The following SP140L variants were observed in gnomAD, a reference collection of about 807,000 sequenced individuals.
The protein encoded by SP140L is SP140 like nuclear body protein, also known as nuclear body protein SP140-like protein.
In SP140L, 64 loss-of-function variants were observed where a neutral mutation model predicts 84.3. The ratio of observed to expected loss-of-function variants is 0.76; its 90% CI spans 0.62 to 0.94. The LOEUF is 0.94. Ranked by LOEUF, SP140L falls within the 40% of genes least tolerant of loss-of-function variation. SP140L has a pLI of 0.00. For synonymous variants in SP140L, 242 were observed against 236.9 expected, an observed-to-expected ratio of 1.02 and a Z score of -0.20; for missense variants, 628 against 692.5, an observed-to-expected ratio of 0.91 and a Z score of 1.05.
At chr2:230,399,059 A>C (rs942446747) in intron 14 of SP140L, among the ~76,000 whole-genome samples, 1 of 152,228 alleles carries the variant, frequency 6.6e-6, no homozygotes, top group Non-Finnish European at 1.5e-5. Flanking sequence ...GGCTGCACGT[A>C]ATATTGAACT....
At chr2:230,388,285 G>A (rs112656508) in intron 9 of SP140L, among the ~76,000 whole-genome samples, 1,964 of 152,080 alleles carry the variant, frequency 0.013, 50 homozygotes, top group African/African-American at 0.045. Flanking sequence ...TTCAAAATAT[G>A]GAATGAAGTA....
rs563896263 is a variant in SP140L, at chr2:230,357,228, G to A, written c.108-577G>A. Among the ~76,000 whole-genome samples, 18 of 152,186 alleles carry A rather than the reference G, an allele frequency of 1.2e-4. No homozygotes were observed. The South Asian group carries it at 3.5e-3, about 30-fold the overall frequency. ...CAAAGCAGAACCAGATGTTCCAGGA[G>A]ATATCACTGATATTCTCATGAAATT... On this transcript the variant is annotated intron_variant, in intron 2 of 18. Coordinates refer to ENST00000415673, the MANE Select transcript of SP140L (RefSeq NM_138402.6).
chr2:230,393,535 A>C lies in SP140L; in HGVS notation c.1155+74A>C, dbSNP rs1214141905. The C allele has an allele frequency of 4.8e-6, 7 of 1,450,628 alleles. No homozygotes were observed. In the East Asian group the frequency reaches 1.1e-4, roughly 22 times the overall value. The allele number at this position is 1,450,628 out of a possible 1,614,324, so 89.9% of individuals were successfully genotyped here. ...ACATGTACAACATCTTATTTTATGG[A>C]GTCTCCAATTGGGTAACTATAATTA... On this transcript the variant is annotated intron_variant, in intron 13 of 18. Transcript: ENST00000415673.
intron 2 of SP140L, among the ~76,000 whole-genome samples, chr2:230,339,815 A>T (rs1171335215): frequency 7.1e-6 from 1 of 141,564 alleles, no homozygotes; most frequent in South Asian, 2.3e-4. Context: ...TTTGAGTGAG[A>T]TTCTTAATCC....
chr2:230,390,462 G>C (rs995224306), intron 11 of SP140L, among the ~76,000 whole-genome samples: 1 of 152,138 alleles, frequency 6.6e-6, no homozygotes, highest in Non-Finnish European at 1.5e-5. Context: ...AGGAATGACT[G>C]TTCCATTCTG....
At chr2:230,335,300 C>T (rs1315866978) in intron 2 of SP140L, among the ~76,000 whole-genome samples, 3 of 152,124 alleles carry the variant, frequency 2.0e-5, no homozygotes, top group Non-Finnish European at 4.4e-5. Flanking sequence ...ATCTACTTGT[C>T]AGTGTTTCTT....
rs2059713782 is a variant in SP140L, at chr2:230,331,108, CCTTT to C, written c.107+2278_107+2281del. ...GCCAAAGAGAAGCCGTCAAGTGCTT[CCTTT>C]AAGTGAAAATGTGAAATTTCCTGAA... is the stretch of plus-strand genomic sequence containing the variant. On this transcript the variant is annotated intron_variant, in intron 2 of 18. Coordinates refer to ENST00000415673, the MANE Select transcript of SP140L (RefSeq NM_138402.6). 5.3e-5 allele frequency among the ~76,000 whole-genome samples: 8 copies of C among 152,038 alleles called. No individual in the cohort carries two copies. The South Asian group carries it at 1.7e-3, about 32-fold the overall frequency.
Position 230,378,197 on chromosome 2 carries a change from A to G in SP140L, c.638-5313A>G, listed in dbSNP as rs185678492. The stretch of plus-strand genomic sequence containing the variant: ...TGTATGTCTATTCTTATGCCAATAC[A>G]CCATCTTGATTACTACAGTTTTACA... On this transcript the variant is annotated intron_variant, in intron 7 of 18. Coordinates refer to ENST00000415673, the MANE Select transcript of SP140L (RefSeq NM_138402.6). 1.8e-4 allele frequency among the ~76,000 whole-genome samples: 27 copies of G among 152,186 alleles called. No homozygotes were observed. The East Asian group carries it at 4.4e-3, about 25-fold the overall frequency.
At chr2:230,402,406 A>T (rs1339836332) in intron 18 of SP140L, among the ~76,000 whole-genome samples, 1 of 152,266 alleles carries the variant, frequency 6.6e-6, no homozygotes, top group African/African-American at 2.4e-5. Context: ...AGAAAGGATC[A>T]TGCTGGTGAG....
intron 2 of SP140L, among the ~76,000 whole-genome samples, chr2:230,331,058 G>A (rs1003424420): frequency 2.0e-5 from 3 of 152,042 alleles, no homozygotes; most frequent in South Asian, 2.1e-4. Flanking sequence ...AAGCACATGA[G>A]GATTGATGCT....
At chr2:230,347,435 A>G (rs1022338023) in intron 2 of SP140L, among the ~76,000 whole-genome samples, 2 of 152,076 alleles carry the variant, frequency 1.3e-5, no homozygotes, top group Non-Finnish European at 2.9e-5. Context: ...GCCACAGGCT[A>G]TGCCCCAGCT....
chr2:230,388,555 T>C lies in SP140L; in HGVS notation c.785-4T>C, dbSNP rs374466639. 8.1e-6 allele frequency: 13 copies of C among 1,604,184 alleles called. No homozygotes were observed. Among genetic ancestry groups the C allele is most frequent in the Non-Finnish European group, 1.1e-5 (13 of 1,176,806 alleles). On this transcript the variant is annotated splice_polypyrimidine_tract_variant and splice_region_variant and intron_variant, in intron 9 of 18. Transcript: ENST00000415673. Reference sequence around the variant, plus strand: ...ACTGTGATTTTATTATTCTACTTTCTCAGGGAGAAAGAGAGGCAAACCTGG... The same window carrying C: ...ACTGTGATTTTATTATTCTACTTTCCCAGGGAGAAAGAGAGGCAAACCTGG...
Position 230,349,664 on chromosome 2 carries a change from TG to T in SP140L, c.108-8139del, listed in dbSNP as rs147054146. ...TTTTTACATTTCTAAGTTTACTAGT[TG>T]GTTGTTTTATAGAAACAATATCATT... On this transcript the variant is annotated intron_variant, in intron 2 of 18. Transcript: ENST00000415673. Among the ~76,000 whole-genome samples, 1,206 of 152,330 alleles carry T rather than the reference TG, an allele frequency of 7.9e-3. 16 individuals carry two copies. Among genetic ancestry groups the T allele is most frequent in the African/African-American group, 0.027 (1,134 of 41,560 alleles).
At chr2:230,402,258 C>A (rs2062378668) in intron 18 of SP140L, among the ~76,000 whole-genome samples, 1 of 152,208 alleles carries the variant, frequency 6.6e-6, no homozygotes, top group South Asian at 2.1e-4. Flanking sequence ...GATCAGTGAT[C>A]TTACCTTATA....
At chr2:230,362,619 T>C (rs2060752637) in intron 5 of SP140L, among the ~76,000 whole-genome samples, 1 of 152,142 alleles carries the variant, frequency 6.6e-6, no homozygotes, top group Non-Finnish European at 1.5e-5. Context: ...CTCACTTTGA[T>C]TAAACGTCTA....
chr2:230,333,033 G>GA (rs200283434), intron 2 of SP140L, among the ~76,000 whole-genome samples: 4 of 152,070 alleles, frequency 2.6e-5, no homozygotes, highest in African/African-American at 7.2e-5. Flanking sequence ...TTCATATCTG[G>GA]AAAAAAAATT....
intron 5 of SP140L, among the ~76,000 whole-genome samples, chr2:230,368,064 C>T (rs1036635755): frequency 9.9e-5 from 15 of 152,080 alleles, no homozygotes; most frequent in African/African-American, 1.7e-4. Context: ...TTATTTTAAC[C>T]GTGAATTTTG....
In SP140L at chr2:230,357,945, T is replaced by G. The variant is rs1355236670; in HGVS notation, c.248T>G (p.Leu83Arg). ...CTTGAGGGCCTCCGCGATCGGGAAC[T>G]CATCACAAATAAAATGTTTGAAGTA... ...PFLEGLRDRE[L>R]ITNKMFEDSE... The change falls in exon 3 of 19, where the codon CTC becomes CGC. Residue 83 changes from leucine (L) to arginine (R), a missense_variant. Leu to Arg is a moderately radical substitution (Grantham distance 102). Coordinates refer to ENST00000415673, the MANE Select transcript of SP140L (RefSeq NM_138402.6). The G allele has an allele frequency of 2.5e-6, 4 of 1,613,150 alleles. No homozygotes were observed. Among genetic ancestry groups the G allele is most frequent in the African/African-American group, 1.3e-5 (1 of 74,832 alleles).
intron 5 of SP140L, among the ~76,000 whole-genome samples, chr2:230,370,133 T>G (rs1025126990): frequency 2.0e-5 from 3 of 152,230 alleles, no homozygotes; most frequent in Non-Finnish European, 4.4e-5. Flanking sequence ...TTTTAATTTT[T>G]TCTATTTTAC....
Sources: allele counts gnomAD v4.1 joint callset (sites outside exome capture counted in the v4.1 genomes callset), GRCh38; gene constraint gnomAD v4.1.1; transcripts MANE v1.5; gene names NCBI Gene and HGNC (gene_info 2026-07-23, HGNC 2026-07-21).